DPP9: variants seen among roughly 807,000 people sequenced by gnomAD.
The protein encoded by DPP9 is dipeptidyl peptidase 9, also known as dipeptidyl peptidase IV-related protein-2.
Under a neutral mutation model 110.7 loss-of-function variants are expected in DPP9, and 50 were observed. That is an observed-to-expected ratio of 0.45 (90% CI 0.36 to 0.57). DPP9 has a LOEUF of 0.57. Ranked by LOEUF, DPP9 falls within the 20% of genes least tolerant of loss-of-function variation. The probability of loss-of-function intolerance (pLI) is 0.00; values close to 1 mark genes in which losing one functional copy is unlikely to be tolerated. For missense variants in DPP9, 1,022 were observed against 1,217.9 expected (o/e 0.84, Z 2.39); for synonymous variants, 561 against 514.4 (o/e 1.09, Z -1.23).
At chr19:4,708,559 G>T (rs914575443) in intron 4 of DPP9, among the ~76,000 whole-genome samples, 12 of 152,124 alleles carry the variant, frequency 7.9e-5, no homozygotes, top group Non-Finnish European at 1.5e-4. Context: ...CGGTAGACTG[G>T]ATAAAGAAAA....
chr19:4,685,712 G>A lies in DPP9; in HGVS notation c.1945C>T (p.Arg649Trp), dbSNP rs187881686. Reference sequence around the variant, plus strand: ...GGCTTGTAGATCATGCCGTAGAGCCGCACATCCGAGCGCGTGTGGAAATGG... The same window carrying A: ...GGCTTGTAGATCATGCCGTAGAGCCACACATCCGAGCGCGTGTGGAAATGG... ...IFHFHTRSDV[R>W]LYGMIYKPHA... is the part of the protein sequence containing the mutation. The change falls in exon 17 of 22, where the codon CGG becomes TGG. Residue 649 changes from arginine (R) to tryptophan (W), a missense_variant. By Grantham distance (101) the Arg-to-Trp change is moderately radical (BLOSUM62 -3). Around this residue, in one of 3 missense-constraint regions of DPP9, gnomAD observed 810 missense variants for 920.6 expected, o/e 0.88. Transcript: ENST00000262960. The surrounding 1 kb of genome is among the most constrained non-coding windows in gnomAD (Gnocchi z 5.8). 41 of 1,613,408 alleles carry A rather than the reference G, an allele frequency of 2.5e-5. No homozygotes were observed. Among genetic ancestry groups the A allele is most frequent in the East Asian group, 4.5e-5 (2 of 44,864 alleles).
intron 16 of DPP9, 86 bp downstream of exon 16, chr19:4,688,671 T>TG (rs1173549129): frequency 2.4e-5 from 33 of 1,348,510 alleles, no homozygotes; most frequent in Non-Finnish European, 3.1e-5. Flanking sequence ...TCCAGGCCTC[T>TG]GCCTCTTTCC....
rs1265291590 is a variant in DPP9 at position 4,718,048 on chromosome 19, G to A, written c.56+1803C>T. Among the ~76,000 whole-genome samples, 2 of 152,234 alleles carry A rather than the reference G, an allele frequency of 1.3e-5. No individual in the cohort carries two copies. Among genetic ancestry groups the A allele is most frequent in the Non-Finnish European group, 2.9e-5 (2 of 68,040 alleles). On this transcript the variant is annotated intron_variant, in intron 3 of 21. Transcript: ENST00000262960. This position sits in a 1 kb window ranked among gnomAD's most constrained non-coding sequence, Gnocchi z 4.3. ...CTCCAGACCTCCTAGCATGGTCTCT[G>A]TCAAGGCTGGGTGGCAGATCTGTGA... is the stretch of plus-strand genomic sequence containing the variant.
chr19:4,707,897 A>G (rs2092664682), intron 4 of DPP9, among the ~76,000 whole-genome samples: 1 of 152,160 alleles, frequency 6.6e-6, no homozygotes, highest in South Asian at 2.1e-4. Flanking sequence ...AAATGCTGGG[A>G]TAACAGGCAT....
Position 4,684,399 on chromosome 19 carries a change from G to A in DPP9, c.2178+264C>T, listed in dbSNP as rs959697357. The A allele has an allele frequency of 1.3e-4, 68 of 512,962 alleles. No individual in the cohort carries two copies. Among genetic ancestry groups the A allele is most frequent in the Non-Finnish European group, 2.1e-4 (61 of 285,518 alleles). 31.8% of individuals were successfully genotyped at this position (512,962 alleles called of 1,614,324 possible). On this transcript the variant is annotated intron_variant, in intron 18 of 21. Coordinates refer to ENST00000262960, the MANE Select transcript of DPP9 (RefSeq NM_139159.5). This position sits in a 1 kb window ranked among gnomAD's most constrained non-coding sequence, Gnocchi z 4.8. ...TTTGTTCCAGCAGTGCAAAGGGGCC[G>A]AGATGATCGCCATCACCACCGTCGT...
intron 21 of DPP9, among the ~76,000 whole-genome samples, chr19:4,678,207 G>A (rs952139286): frequency 1.3e-5 from 2 of 152,058 alleles, no homozygotes; most frequent in Admixed American, 1.3e-4. Context: ...CCGCCTCCCA[G>A]GTTCAAGCGA....
chr19:4,707,633 T>C (rs2092651190), intron 4 of DPP9, among the ~76,000 whole-genome samples: 1 of 142,020 alleles, frequency 7.0e-6, no homozygotes, highest in Non-Finnish European at 1.5e-5. Context: ...TTTTTTTTTT[T>C]TTTTTTTTCT....
In DPP9 at chr19:4,698,761, A is replaced by T. The variant is rs2092003677; in HGVS notation, c.1075-1110T>A. ...AGACCCTGTCTCAAAAAACAAGAAC[A>T]AACAAGCAAAGCAAAACCCCAGCCT... On this transcript the variant is annotated intron_variant, in intron 10 of 21. Transcript: ENST00000262960. This position sits in a 1 kb window ranked among gnomAD's most constrained non-coding sequence, Gnocchi z 4.2. Among the ~76,000 whole-genome samples the T allele has an allele frequency of 6.6e-6, 1 of 152,104 alleles. No homozygotes were observed. The highest frequency in any genetic ancestry group is 2.4e-5 in the African/African-American group (1 of 41,408).
In DPP9 at chr19:4,698,957, G is replaced by C. The variant is rs969080230; in HGVS notation, c.1074+1259C>G. The stretch of plus-strand genomic sequence containing the variant: ...GCGGATCACGAGGTCAGGAGATTGA[G>C]ACCGTCCTGGCTAACACGGTGAAAC... On this transcript the variant is annotated intron_variant, in intron 10 of 21. Transcript: ENST00000262960. This position sits in a 1 kb window ranked among gnomAD's most constrained non-coding sequence, Gnocchi z 4.2. Among the ~76,000 whole-genome samples the C allele has an allele frequency of 3.3e-4, 50 of 151,950 alleles. 1 individual carries two copies. Among genetic ancestry groups the C allele is most frequent in the Non-Finnish European group, 1.2e-4 (8 of 68,004 alleles).
intron 4 of DPP9, among the ~76,000 whole-genome samples, chr19:4,711,607 T>C (rs1468694867): frequency 2.6e-5 from 4 of 151,730 alleles, no homozygotes; most frequent in African/African-American, 9.7e-5. Flanking sequence ...ACCCTGCTTC[T>C]ACTAAAAATA....
rs568625719 is a variant in DPP9, at chr19:4,693,215, T to C, written c.1516+1446A>G. Among the ~76,000 whole-genome samples, 8 of 152,250 alleles carry C rather than the reference T, an allele frequency of 5.3e-5. No individual in the cohort carries two copies. The East Asian group carries it at 1.5e-3, about 29-fold the overall frequency. On this transcript the variant is annotated intron_variant, in intron 13 of 21. Coordinates refer to ENST00000262960, the MANE Select transcript of DPP9 (RefSeq NM_139159.5). The surrounding 1 kb of genome is among the most constrained non-coding windows in gnomAD (Gnocchi z 5.0). Reference sequence around the variant, plus strand: ...CCCGCCCCAGAGAACCACCCGGCCCTGGCGTCCATGGTGTCCCTGCTCTAA... The same window carrying C: ...CCCGCCCCAGAGAACCACCCGGCCCCGGCGTCCATGGTGTCCCTGCTCTAA...
intron 20 of DPP9, among the ~76,000 whole-genome samples, chr19:4,680,658 A>T (rs892748714): frequency 1.9e-4 from 28 of 144,724 alleles, no homozygotes; most frequent in African/African-American, 7.1e-4. Context: ...GCTATGATTA[A>T]AAAAAAAAAA....
chr19:4,702,942 C>G (rs550548108), intron 7 of DPP9, among the ~76,000 whole-genome samples: 21 of 149,336 alleles, frequency 1.4e-4, no homozygotes, highest in African/African-American at 3.5e-4. Context: ...CTCTTGGTCT[C>G]TGGGGTGGGG....
In DPP9 at chr19:4,714,088, G is replaced by A; in HGVS notation, c.306C>T (p.Tyr102=). The A allele has an allele frequency of 6.2e-7, 1 of 1,610,280 alleles. No individual in the cohort carries two copies. Among genetic ancestry groups the A allele is most frequent in the Non-Finnish European group, 8.5e-7 (1 of 1,177,618 alleles). Residue 102 remains tyrosine (Y), a synonymous_variant, in exon 4 of 22, where the codon TAC becomes TAT. Coordinates refer to ENST00000262960, the MANE Select transcript of DPP9 (RefSeq NM_139159.5). ...CTGCAGGGCCCGGCTTACCCAGGTA[G>A]TAGAGGCGGTGGGAGTGGGGCCCAG... is the stretch of plus-strand genomic sequence containing the variant. ...DESGPHSHRL[Y]YLGMPYGSRE...
chr19:4,685,672 G>A lies in DPP9; in HGVS notation c.1985C>T (p.Pro662Leu). 1 of 1,612,860 alleles carries A rather than the reference G, an allele frequency of 6.2e-7. No homozygotes were observed. The highest frequency in any genetic ancestry group is 8.5e-7 in the Non-Finnish European group (1 of 1,179,578). The change falls in exon 17 of 22, where the codon CCA becomes CTA. Residue 662 changes from proline (P) to leucine (L), a missense_variant. Coordinates refer to ENST00000262960, the MANE Select transcript of DPP9 (RefSeq NM_139159.5). This position sits in a 1 kb window ranked among gnomAD's most constrained non-coding sequence, Gnocchi z 5.8. ...GMIYKPHALQ[P>L]GKKHPTVLFV... ...GAGGACGGTGGGGTGCTTCTTCCCT[G>A]GCTGCAAGGCGTGGGGCTTGTAGAT...
chr19:4,685,199 C>T lies in DPP9; in HGVS notation c.2032-390G>A, dbSNP rs1411350599. The stretch of plus-strand genomic sequence containing the variant: ...GGTGATGAACCACAAAGTACCCAGA[C>T]ATCGCCCCGTATCCTCTGTGGGGAC... On this transcript the variant is annotated intron_variant, in intron 17 of 21. Transcript: ENST00000262960. This position sits in a 1 kb window ranked among gnomAD's most constrained non-coding sequence, Gnocchi z 5.8. 1 of 523,660 alleles carries T rather than the reference C, an allele frequency of 1.9e-6. No individual in the cohort carries two copies. The highest frequency in any genetic ancestry group is 3.7e-6 in the Non-Finnish European group (1 of 271,120). The allele number at this position is 523,660 out of a possible 1,614,324, so 32.4% of individuals were successfully genotyped here.
In DPP9 at chr19:4,684,899, C is replaced by G. The variant is rs192661957; in HGVS notation, c.2032-90G>C. ...GATGCCGGTGGGCTGGGGACCGGGCCGGGCTGGGGCCTCAGAGCCTAATGA... is the reference window on the plus strand; with the variant it reads ...GATGCCGGTGGGCTGGGGACCGGGCGGGGCTGGGGCCTCAGAGCCTAATGA... On this transcript the variant is annotated intron_variant, in intron 17 of 21. Transcript: ENST00000262960. The surrounding 1 kb of genome is among the most constrained non-coding windows in gnomAD (Gnocchi z 4.8). 1.1e-5 allele frequency: 17 copies of G among 1,510,084 alleles called. No individual in the cohort carries two copies. In the South Asian group the frequency reaches 1.9e-4, roughly 17 times the overall value. The allele number at this position is 1,510,084 out of a possible 1,614,324, so 93.5% of individuals were successfully genotyped here.
At position 4,705,473 on chromosome 19, in the gene DPP9, C is replaced by T. The variant is rs553757827; in HGVS notation, c.426+385G>A. Among the ~76,000 whole-genome samples, 96 of 152,336 alleles carry T rather than the reference C, an allele frequency of 6.3e-4. 1 individual carries two copies. The South Asian group carries it at 0.018, about 28-fold the overall frequency. On this transcript the variant is annotated intron_variant, in intron 5 of 21. Coordinates refer to ENST00000262960, the MANE Select transcript of DPP9 (RefSeq NM_139159.5). ...TTGGGCTCAAGCAATCCTCTTGCCTCGGCCTCCCAATCATCAAACACAAAA... is the reference window on the plus strand; with the variant it reads ...TTGGGCTCAAGCAATCCTCTTGCCTTGGCCTCCCAATCATCAAACACAAAA...
Position 4,695,317 on chromosome 19 carries a change from G to T in DPP9, c.1353+61C>A. On this transcript the variant is annotated intron_variant, in intron 12 of 21. Transcript: ENST00000262960. The surrounding 1 kb of genome is among the most constrained non-coding windows in gnomAD (Gnocchi z 4.7). ...GGCGCTCAGCCTTCTAGGACGTGGG[G>T]GTGGGGACAGTGTGACTCCAGGGCC... The T allele has an allele frequency of 2.0e-6, 3 of 1,481,708 alleles. No homozygotes were observed. Among genetic ancestry groups the T allele is most frequent in the Non-Finnish European group, 2.7e-6 (3 of 1,107,830 alleles). The allele number at this position is 1,481,708 out of a possible 1,614,324, so 91.8% of individuals were successfully genotyped here. A position where few individuals can be genotyped will look rare whatever the true frequency, so the allele number is the denominator to read the frequency against.
Sources: gnomAD v4.1 joint callset for allele counts (sites outside exome capture counted in the v4.1 genomes callset) on GRCh38, gnomAD v4.1.1 for gene constraint, gnomAD v4.1.1 regional missense constraint, Gnocchi (gnomAD v3.1) non-coding constraint, MANE v1.5 for transcripts, NCBI Gene and HGNC (gene_info 2026-07-23, HGNC 2026-07-21) for gene names.